The following MPPED2 variants were observed in gnomAD, a reference collection of about 807,000 sequenced individuals.
MPPED2 encodes metallophosphoesterase domain containing 2, also known as metallophosphoesterase MPPED2.
A neutral mutation model predicts 33.0 loss-of-function variants in MPPED2; 5 were observed. The observed-to-expected ratio is 0.15, with a 90% CI of 0.08 to 0.32. MPPED2 has a LOEUF of 0.32. MPPED2 is among the 10% of genes least tolerant of loss of function. The pLI is 1.00. For missense variants in MPPED2, 275 were observed against 372.1 expected, an observed-to-expected ratio of 0.74 and a Z score of 2.15; for synonymous variants, 136 against 141.9, an observed-to-expected ratio of 0.96 and a Z score of 0.29.
intron 3 of MPPED2, among the ~76,000 whole-genome samples, chr11:30,527,258 T>C (rs1001136327): frequency 6.6e-6 from 1 of 152,164 alleles, no homozygotes; most frequent in Non-Finnish European, 1.5e-5. Flanking sequence ...TGGCATCTCC[T>C]ACCTTGCCCA....
chr11:30,475,866 T>C (rs1951170255), intron 4 of MPPED2, among the ~76,000 whole-genome samples: 1 of 152,138 alleles, frequency 6.6e-6, no homozygotes, highest in Non-Finnish European at 1.5e-5. Flanking sequence ...TTTACATTCA[T>C]ATCTGCCTCT....
intron 4 of MPPED2, among the ~76,000 whole-genome samples, chr11:30,422,925 C>T (rs991433476): frequency 6.6e-5 from 10 of 152,152 alleles, no homozygotes; most frequent in Non-Finnish European, 1.3e-4. Flanking sequence ...TCAAAGCACC[C>T]TCCCCCTTGC....
chr11:30,408,427 T>C (rs188650398), downstream of MPPED2, among the ~76,000 whole-genome samples: 120 of 152,322 alleles, frequency 7.9e-4, no homozygotes, highest in Non-Finnish European at 1.1e-3. Flanking sequence ...TTCTCCTACC[T>C]CAGCCTTAGG....
At chr11:30,472,099 C>T (rs564058855) in intron 4 of MPPED2, among the ~76,000 whole-genome samples, 1 of 152,326 alleles carries the variant, frequency 6.6e-6, no homozygotes, top group South Asian at 2.1e-4. Context: ...CGCAGTGGCT[C>T]CTGCCTGCAA....
chr11:30,519,502 G>A (rs1590686967), intron 3 of MPPED2, among the ~76,000 whole-genome samples: 1 of 151,786 alleles, frequency 6.6e-6, no homozygotes. Context: ...GGAGCTACCA[G>A]TAGGAATGCT....
intron 3 of MPPED2, among the ~76,000 whole-genome samples, chr11:30,507,770 T>C (rs1472478940): frequency 6.6e-6 from 1 of 152,192 alleles, no homozygotes; most frequent in East Asian, 1.9e-4. Context: ...TTGGTTCCAC[T>C]GGAACACATT....
chr11:30,504,635 A>C (rs146105733), intron 3 of MPPED2: 1 of 512,614 alleles, frequency 2.0e-6, no homozygotes, highest in Non-Finnish European at 3.3e-6. Flanking sequence ...AAACCACCAG[A>C]AACATTCAGT....
intron 6 of MPPED2, among the ~76,000 whole-genome samples, chr11:30,398,147 C>T (rs1438384284): frequency 6.6e-6 from 1 of 152,178 alleles, no homozygotes; most frequent in African/African-American, 2.4e-5. Flanking sequence ...TTTTCTTCTT[C>T]CATAGCAGAG....
intron 5 of MPPED2, among the ~76,000 whole-genome samples, chr11:30,415,767 A>G (rs907123468): frequency 6.6e-6 from 1 of 152,208 alleles, no homozygotes; most frequent in African/African-American, 2.4e-5. Flanking sequence ...GGAGTCTACA[A>G]TTCAGACTTA....
At chr11:30,528,210 G>T (rs761365363) in intron 3 of MPPED2, among the ~76,000 whole-genome samples, 4 of 152,068 alleles carry the variant, frequency 2.6e-5, no homozygotes, top group Non-Finnish European at 4.4e-5. Context: ...TTACATGTGA[G>T]CTTTATAGGA....
In MPPED2 at chr11:30,411,019, T is replaced by C; in HGVS notation, c.*449A>G. The C allele has an allele frequency of 3.0e-6, 3 of 985,894 alleles. No individual in the cohort carries two copies. The highest frequency in any genetic ancestry group is 3.6e-6 in the Non-Finnish European group (3 of 829,978). 61.1% of individuals were successfully genotyped at this position (985,894 alleles called of 1,614,324 possible). ...GACCACATCTGCAAAAAAGAAGCAT[T>C]ACCAAGAAAACAACAACAACAAAAC... On this transcript the variant is annotated 3_prime_UTR_variant, in exon 7 of 7. Coordinates refer to ENST00000358117, the MANE Select transcript of MPPED2 (RefSeq NM_001584.3).
chr11:30,441,278 G>A (rs989834114), intron 4 of MPPED2: 1 of 152,162 alleles, frequency 6.6e-6, no homozygotes, highest in Non-Finnish European at 1.5e-5. Flanking sequence ...TAGTTCCCAG[G>A]AGTTATTGCT....
chr11:30,455,256 C>T (rs748952836), intron 4 of MPPED2, among the ~76,000 whole-genome samples: 2 of 152,172 alleles, frequency 1.3e-5, no homozygotes, highest in Non-Finnish European at 2.9e-5. Flanking sequence ...GCCTGGGAAC[C>T]AGCCTACTGT....
chr11:30,443,753 G>A (rs1350408060), intron 4 of MPPED2, among the ~76,000 whole-genome samples: 4 of 152,168 alleles, frequency 2.6e-5, no homozygotes, highest in Admixed American at 6.5e-5. Flanking sequence ...AGTAACTAGC[G>A]TGATGGATTT....
At chr11:30,468,882 C>G (rs755109960) in intron 4 of MPPED2, 3 of 152,238 alleles carry the variant, frequency 2.0e-5, no homozygotes, top group Non-Finnish European at 4.4e-5. Flanking sequence ...CTTTGCCTTT[C>G]ACACCATGCA....
intron 2 of MPPED2, among the ~76,000 whole-genome samples, chr11:30,539,154 C>G (rs1274036963): frequency 6.6e-6 from 1 of 152,162 alleles, no homozygotes; most frequent in Non-Finnish European, 1.5e-5. Flanking sequence ...AAAGTCAAGA[C>G]AGCCAAACAT....
chr11:30,448,418 T>C (rs1487071843), intron 4 of MPPED2, among the ~76,000 whole-genome samples: 1 of 152,152 alleles, frequency 6.6e-6, no homozygotes, highest in Non-Finnish European at 1.5e-5. Flanking sequence ...CCTAGAAGCC[T>C]CACTCCCTAT....
intron 3 of MPPED2, among the ~76,000 whole-genome samples, chr11:30,531,702 G>T (rs1954535387): frequency 6.6e-6 from 1 of 152,084 alleles, no homozygotes; most frequent in Non-Finnish European, 1.5e-5. Context: ...TATTTGCTTT[G>T]TTGTAACTCA....
chr11:30,432,739 A>G lies in MPPED2; in HGVS notation c.537-15106T>C, dbSNP rs115031475. The stretch of plus-strand genomic sequence containing the variant: ...GAGTAAAATAAACATTTTGATGTAT[A>G]TATTTCTAGGTTATCTGCTCACAAA... On this transcript the variant is annotated intron_variant, in intron 4 of 6. Coordinates refer to ENST00000358117, the MANE Select transcript of MPPED2 (RefSeq NM_001584.3). Among the ~76,000 whole-genome samples the G allele has an allele frequency of 3.7e-3, 567 of 152,334 alleles. 4 individuals carry two copies. Among genetic ancestry groups the G allele is most frequent in the African/African-American group, 0.013 (530 of 41,570 alleles).
Sources: gnomAD v4.1 joint callset for allele counts (sites outside exome capture counted in the v4.1 genomes callset) on GRCh38, gnomAD v4.1.1 for gene constraint, MANE v1.5 for transcripts, NCBI Gene and HGNC (gene_info 2026-07-23, HGNC 2026-07-21) for gene names.